Variants in PARVB observed in about 807,000 individuals in gnomAD.
PARVB encodes parvin beta, also known as beta-parvin.
Under a neutral mutation model 47.0 loss-of-function variants are expected in PARVB, and 46 were observed. The ratio of observed to expected loss-of-function variants is 0.98; its 90% CI spans 0.77 to 1.25. The LOEUF is 1.25. PARVB is among the 50% of genes most tolerant of loss of function. PARVB has a pLI of 0.00. For synonymous variants in PARVB, 196 were observed against 196.3 expected (o/e 1.00, Z 0.01); for missense variants, 473 against 471.6 (o/e 1.00, Z -0.03).
chr22:44,122,351 C>T (rs780326012), intron 4 of PARVB, among the ~76,000 whole-genome samples: 2 of 151,902 alleles, frequency 1.3e-5, no homozygotes, highest in Non-Finnish European at 2.9e-5. Context: ...TGGTGATGTG[C>T]ACCGTGCACC....
At chr22:44,130,554 C>T (rs553383485) in intron 4 of PARVB, among the ~76,000 whole-genome samples, 25 of 152,308 alleles carry the variant, frequency 1.6e-4, no homozygotes, top group East Asian at 5.8e-4. Flanking sequence ...ATAAAATCAT[C>T]GCCAGTTCTG....
exon 1 of PARVB, chr22:43,999,215 G>C (rs1265104316): frequency 7.0e-6 from 5 of 713,582 alleles, no homozygotes; most frequent in Non-Finnish European, 1.2e-5. Context: ...CTCCTGCAAA[G>C]GCCCTACACT....
At chr22:44,102,517 A>G (rs991334113) in intron 3 of PARVB, among the ~76,000 whole-genome samples, 5 of 152,158 alleles carry the variant, frequency 3.3e-5, no homozygotes, top group African/African-American at 1.2e-4. Flanking sequence ...GAGCTGTGTC[A>G]TTCTTGCTTC....
intron 4 of PARVB, among the ~76,000 whole-genome samples, chr22:44,127,522 C>G (rs951655447): frequency 6.6e-6 from 1 of 152,108 alleles, no homozygotes; most frequent in African/African-American, 2.4e-5. Context: ...TAGCTGAATA[C>G]CAAGGTCAAA....
chr22:44,064,195 C>T (rs1408750184), intron 1 of PARVB, among the ~76,000 whole-genome samples: 1 of 152,200 alleles, frequency 6.6e-6, no homozygotes, highest in Non-Finnish European at 1.5e-5. Context: ...CCGAGACCAC[C>T]AGCCCTCGGT....
chr22:44,140,768 C>A (rs1011536177), intron 8 of PARVB: 13 of 334,846 alleles, frequency 3.9e-5, no homozygotes, highest in Admixed American at 3.7e-4. Context: ...GGACAGCCCT[C>A]TATGTGGGCT....
rs181655644 is a variant in PARVB, at chr22:44,048,243, C to T, written c.112+23792C>T. Among the ~76,000 whole-genome samples, 38 of 152,284 alleles carry T rather than the reference C, an allele frequency of 2.5e-4. 1 individual carries two copies. Among genetic ancestry groups the T allele is most frequent in the Admixed American group, 4.6e-4 (7 of 15,302 alleles). ...GCAGAATGAAACTGAAAGCACTTGT[C>T]TCGTTGAGCAAATCATTCAACTTTG... On this transcript the variant is annotated intron_variant, in intron 1 of 12. Transcript: ENST00000338758.
intron 1 of PARVB, among the ~76,000 whole-genome samples, chr22:44,048,910 G>A (rs1036217202): frequency 6.6e-6 from 1 of 152,092 alleles, no homozygotes; most frequent in Non-Finnish European, 1.5e-5. Flanking sequence ...GGCTAGTCTC[G>A]AGCTACTGAT....
At chr22:44,043,726 C>T (rs111572074) in intron 1 of PARVB, among the ~76,000 whole-genome samples, 1 of 152,234 alleles carries the variant, frequency 6.6e-6, no homozygotes, top group Non-Finnish European at 1.5e-5. Context: ...AATTCTGTCT[C>T]AATAAAGCTG....
chr22:44,133,819 G>A (rs1212784421), intron 6 of PARVB, among the ~76,000 whole-genome samples: 3 of 152,218 alleles, frequency 2.0e-5, no homozygotes, highest in Non-Finnish European at 2.9e-5. Context: ...TTATAGGTGG[G>A]AGCTGCCATG....
Position 44,168,894 on chromosome 22 carries a change from AGC to A in PARVB, c.*217_*218del. 1.9e-6 allele frequency: 1 copy of A among 531,548 alleles called. No individual in the cohort carries two copies. The highest frequency in any genetic ancestry group is 5.1e-4 in the Middle Eastern group (1 of 1,964). 32.9% of individuals were successfully genotyped at this position (531,548 alleles called of 1,614,324 possible). On this transcript the variant is annotated 3_prime_UTR_variant, in exon 13 of 13. Coordinates refer to ENST00000338758, the MANE Select transcript of PARVB (RefSeq NM_013327.5). ...CTCCATGTAGTTCCCAGTGGGCAAGAGCCTTTGAAAATGCAGGATTCTAAACA... is the reference window on the plus strand; with the variant it reads ...CTCCATGTAGTTCCCAGTGGGCAAGACTTTGAAAATGCAGGATTCTAAACA...
At chr22:44,034,512 G>A (rs899213093) in intron 1 of PARVB, among the ~76,000 whole-genome samples, 2 of 151,874 alleles carry the variant, frequency 1.3e-5, no homozygotes, top group African/African-American at 4.8e-5. Context: ...TCCTGCCTTA[G>A]CCTCCTGAGT....
intron 2 of PARVB, among the ~76,000 whole-genome samples, chr22:44,017,149 A>G (rs530537814): frequency 1.3e-5 from 2 of 152,198 alleles, no homozygotes; most frequent in Non-Finnish European, 2.9e-5. Context: ...TGCTGGGATT[A>G]CAAGTGTGAG....
At chr22:44,091,893 G>A (rs1160854544) in intron 1 of PARVB, among the ~76,000 whole-genome samples, 6 of 152,130 alleles carry the variant, frequency 3.9e-5, no homozygotes, top group Non-Finnish European at 7.4e-5. Flanking sequence ...GGGGGAGTGG[G>A]TAACTGGCAT....
intron 1 of PARVB, among the ~76,000 whole-genome samples, chr22:44,025,581 G>A (rs1345068309): frequency 6.6e-6 from 1 of 152,154 alleles, no homozygotes; most frequent in Non-Finnish European, 1.5e-5. Context: ...TGTTCCAAGA[G>A]GGCAGGGTCT....
At chr22:44,037,227 A>T (rs1431944087) in intron 1 of PARVB, among the ~76,000 whole-genome samples, 2 of 152,120 alleles carry the variant, frequency 1.3e-5, no homozygotes, top group Non-Finnish European at 2.9e-5. Flanking sequence ...CTGTAGTCCC[A>T]GCCTGGCCAA....
chr22:44,008,674 T>TCTTG (rs1569046517), intron 2 of PARVB, among the ~76,000 whole-genome samples: 1 of 152,122 alleles, frequency 6.6e-6, no homozygotes, highest in African/African-American at 2.4e-5. Flanking sequence ...TGCCTGTCTT[T>TCTTG]CTTGCTTGCT....
chr22:44,103,797 ATGGATGCAGGCGGCCTCTGCCTCT>A lies in PARVB; in HGVS notation c.273+3675_273+3698del, dbSNP rs2052506799. 6.6e-6 allele frequency: 1 copy of A among 152,240 alleles called. No homozygotes were observed. Among genetic ancestry groups the A allele is most frequent in the Non-Finnish European group, 1.5e-5 (1 of 68,050 alleles). 9.4% of individuals were successfully genotyped at this position (152,240 alleles called of 1,614,324 possible). A position where few individuals can be genotyped will look rare whatever the true frequency, so the allele number is the denominator to read the frequency against. On this transcript the variant is annotated intron_variant, in intron 3 of 12. Transcript: ENST00000338758. This position sits in a 1 kb window ranked among gnomAD's most constrained non-coding sequence, Gnocchi z 4.6. ...AGATGGAAGAAGGGGCCATGCACTA[ATGGATGCAGGCGGCCTCTGCCTCT>A]AGAAGTGGAAAAGACAAAGAAATGG...
intron 3 of PARVB, chr22:44,115,139 A>G (rs1281725520): frequency 1.4e-5 from 1 of 69,652 alleles, no homozygotes; most frequent in Non-Finnish European, 2.7e-5. Context: ...CTGCACCAAC[A>G]CAGATACACT....
Sources: gnomAD v4.1 joint callset for allele counts (sites outside exome capture counted in the v4.1 genomes callset) on GRCh38, gnomAD v4.1.1 for gene constraint, Gnocchi (gnomAD v3.1) non-coding constraint, MANE v1.5 for transcripts, NCBI Gene and HGNC (gene_info 2026-07-23, HGNC 2026-07-21) for gene names.